GEMIN7: variants seen among roughly 807,000 people sequenced by gnomAD.
GEMIN7 encodes the protein gem nuclear organelle associated protein 7.
GEMIN7 carries 7 observed loss-of-function variants against 7.8 expected under a neutral mutation model. The observed-to-expected ratio is 0.90, with a 90% CI of 0.51 to 1.69. GEMIN7 has a LOEUF of 1.69. GEMIN7 is among the 40% of genes most tolerant of loss of function. GEMIN7 has a pLI of 0.00. For missense variants in GEMIN7, 159 were observed against 176.2 expected (o/e 0.90, Z 0.55); for synonymous variants, 68 against 72.4 (o/e 0.94, Z 0.31).
At chr19:45,087,135 G>A (rs948060861) in intron 2 of GEMIN7, among the ~76,000 whole-genome samples, 3 of 150,592 alleles carry the variant, frequency 2.0e-5, no homozygotes, top group Non-Finnish European at 3.0e-5. Flanking sequence ...GTGAGCCACC[G>A]CGCCCAGCCA....
chr19:45,076,331 G>A, upstream of GEMIN7: 1 of 1,390,078 alleles, frequency 7.2e-7, no homozygotes, highest in South Asian at 1.9e-5. This position sits in a 1 kb window ranked among gnomAD's most constrained non-coding sequence, Gnocchi z 4.9. Context: ...GCGGGCGCGG[G>A]CTCTACTCGG....
intron 2 of GEMIN7, among the ~76,000 whole-genome samples, chr19:45,084,909 C>A (rs1967629099): frequency 6.6e-6 from 1 of 152,244 alleles, no homozygotes; most frequent in African/African-American, 2.4e-5. Flanking sequence ...GCATGCACCA[C>A]CACTAATTAC....
chr19:45,089,695 A>T (rs149013045), intron 2 of GEMIN7, among the ~76,000 whole-genome samples: 4,346 of 151,940 alleles, frequency 0.029, 149 homozygotes, highest in Admixed American at 0.1. Flanking sequence ...ATATATATAT[A>T]TTTTTAGAAA....
rs762460481 is a variant in GEMIN7 at position 45,090,479 on chromosome 19, G to C, written c.365G>C (p.Ser122Thr). ...CAAGCAGAGGCGCTGCTCCGATGTA[G>C]TGACATTATTTCATATACCTTCAAG... ...GVQAEALLRC[S>T]DIISYTFKP Residue 122 changes from serine to threonine, a missense_variant, in exon 3 of 3, where the codon AGT becomes ACT. By Grantham distance (58) the Ser-to-Thr change is moderately conservative. Transcript: ENST00000270257. 9 of 1,612,390 alleles carry C rather than the reference G, an allele frequency of 5.6e-6. No homozygotes were observed. In the East Asian group the frequency reaches 6.7e-5, roughly 12 times the overall value.
upstream of GEMIN7, chr19:45,075,708 C>T: frequency 1.2e-6 from 2 of 1,613,404 alleles, no homozygotes; most frequent in South Asian, 1.1e-5. Flanking sequence ...CCCGGCTTTA[C>T]TCACCTGAGC....
intron 2 of GEMIN7, among the ~76,000 whole-genome samples, chr19:45,087,999 A>G (rs7259976): frequency 0.56 from 78,887 of 139,774 alleles, 23,145 homozygotes; most frequent in African/African-American, 0.69. Flanking sequence ...AGGCTGGAGT[A>G]CTGTGGCACA....
At chr19:45,080,788 T>C (rs1440742055) in intron 2 of GEMIN7, among the ~76,000 whole-genome samples, 1 of 138,610 alleles carries the variant, frequency 7.2e-6, no homozygotes, top group South Asian at 2.2e-4. Context: ...TTTTTCCTGA[T>C]GGAGAAAACA....
At chr19:45,088,980 C>T (rs10420562) in intron 2 of GEMIN7, among the ~76,000 whole-genome samples, 13,065 of 147,660 alleles carry the variant, frequency 0.088, 646 homozygotes, top group Middle Eastern at 0.11. Context: ...CTCACTCTGT[C>T]GCCCAGGCTA....
In GEMIN7 at chr19:45,090,198, T is replaced by G; in HGVS notation, c.84T>G (p.Asp28Glu). 2 of 1,614,180 alleles carry G rather than the reference T, an allele frequency of 1.2e-6. No individual in the cohort carries two copies. The highest frequency in any genetic ancestry group is 1.7e-6 in the Non-Finnish European group (2 of 1,180,030). Residue 28 changes from aspartate (D) to glutamate (E), a missense_variant, in exon 3 of 3, where the codon GAT becomes GAG. Asp to Glu is a conservative substitution (Grantham distance 45, BLOSUM62 2). Coordinates refer to ENST00000270257, the MANE Select transcript of GEMIN7 (RefSeq NM_024707.3). Reference protein sequence around the residue: ...PDGFSRGFAPDGRRAPLRPEV... With the variant: ...PDGFSRGFAPEGRRAPLRPEV... Reference sequence around the variant, plus strand: ...GCTTCAGCCGTGGCTTTGCCCCTGATGGACGCAGAGCCCCCTTGAGGCCAG... The same window carrying G: ...GCTTCAGCCGTGGCTTTGCCCCTGAGGGACGCAGAGCCCCCTTGAGGCCAG...
chr19:45,088,848 TTG>T (rs1169192863), intron 2 of GEMIN7: 2 of 152,232 alleles, frequency 1.3e-5, no homozygotes, highest in Non-Finnish European at 2.9e-5. Context: ...CAGTATAAAT[TTG>T]TGTTTGCCCT....
At chr19:45,088,381 T>A (rs1032140336) in intron 2 of GEMIN7, 4 of 152,300 alleles carry the variant, frequency 2.6e-5, no homozygotes, top group African/African-American at 9.6e-5. Flanking sequence ...TGGAGTGCAG[T>A]GGCGCGATCA....
upstream of GEMIN7, chr19:45,075,859 C>T (rs755773481): frequency 6.8e-6 from 11 of 1,613,246 alleles, no homozygotes; most frequent in African/African-American, 5.4e-5. Context: ...CCAGGGCTGG[C>T]GGTCTGCAGG....
rs1162811503 is a variant in GEMIN7 at position 45,090,382 on chromosome 19, G to A, written c.268G>A (p.Ala90Thr). The change falls in exon 3 of 3, where the codon GCC (alanine) becomes ACC (threonine). Residue 90 changes from alanine to threonine, a missense_variant. Coordinates refer to ENST00000270257, the MANE Select transcript of GEMIN7 (RefSeq NM_024707.3). The stretch of plus-strand genomic sequence containing the variant: ...GTTGCACGAGGGTGTGCGTGTGGCC[G>A]CCCACTTTGGAGCCACCGACCTGGA... ...FTLHEGVRVA[A>T]HFGATDLDVA... 3 of 1,613,988 alleles carry A rather than the reference G, an allele frequency of 1.9e-6. No homozygotes were observed. The highest frequency in any genetic ancestry group is 2.5e-6 in the Non-Finnish European group (3 of 1,180,036).
rs766272852 is a variant in GEMIN7, at chr19:45,090,475, T to G, written c.361T>G (p.Cys121Gly). 4 of 1,612,786 alleles carry G rather than the reference T, an allele frequency of 2.5e-6. No homozygotes were observed. The South Asian group carries it at 4.4e-5, about 18-fold the overall frequency. ...IGVQAEALLR[C>G]SDIISYTFKP ...TGTGCAAGCAGAGGCGCTGCTCCGA[T>G]GTAGTGACATTATTTCATATACCTT... The change falls in exon 3 of 3, where the codon TGT becomes GGT. Residue 121 changes from cysteine to glycine, a missense_variant. Transcript: ENST00000270257.
At chr19:45,080,428 T>TGCA (rs1967460813) in intron 2 of GEMIN7, among the ~76,000 whole-genome samples, 1 of 149,252 alleles carries the variant, frequency 6.7e-6, no homozygotes, top group South Asian at 2.1e-4. Context: ...CAGGCTGGGG[T>TGCA]GCAGAGGCGT....
intron 2 of GEMIN7, 111 bp from the exon 3 acceptor site, chr19:45,089,996 C>CA: frequency 1.8e-6 from 2 of 1,100,072 alleles, no homozygotes; most frequent in Non-Finnish European, 2.7e-6. Context: ...CAGTCTGGGG[C>CA]AGGTGCAGTG....
rs1445846380 is a variant in GEMIN7, at chr19:45,091,225, A to AC, written c.*716dup. ...CTGTGGTTGCTGTGGACTGCACACG[A>AC]CAGCAGATTCGCTGTCCCCTCGTTG... On this transcript the variant is annotated 3_prime_UTR_variant, in exon 3 of 3. Coordinates refer to ENST00000270257, the MANE Select transcript of GEMIN7 (RefSeq NM_024707.3). 1 of 167,150 alleles carries AC rather than the reference A, an allele frequency of 6.0e-6. No homozygotes were observed. The highest frequency in any genetic ancestry group is 2.4e-5 in the African/African-American group (1 of 41,466). 10.4% of individuals were successfully genotyped at this position (167,150 alleles called of 1,614,324 possible).
At chr19:45,075,650 C>T (rs550767395), upstream of GEMIN7, 1 of 1,588,678 alleles carries the variant, frequency 6.3e-7, no homozygotes, top group East Asian at 2.2e-5. Context: ...CCAGCCCAGC[C>T]CCTTTCCAGC....
At chr19:45,085,863 CTTTTTTTT>C (rs869044428) in intron 2 of GEMIN7, among the ~76,000 whole-genome samples, 13 of 88,412 alleles carry the variant, frequency 1.5e-4, no homozygotes, top group East Asian at 8.1e-4. Context: ...ACAAGAATCT[CTTTTTTTT>C]TTTTTTTTTT....
Sources: allele counts gnomAD v4.1 joint callset (sites outside exome capture counted in the v4.1 genomes callset), GRCh38; gene constraint gnomAD v4.1.1; non-coding constraint Gnocchi (gnomAD v3.1); transcripts MANE v1.5; gene names NCBI Gene and HGNC (gene_info 2026-07-23, HGNC 2026-07-21).